Variants in CACNA1B observed in about 807,000 individuals in gnomAD.
CACNA1B encodes the protein voltage-dependent N-type calcium channel subunit alpha-1B.
Under a neutral mutation model 247.2 loss-of-function variants are expected in CACNA1B, and 70 were observed. That is an observed-to-expected ratio of 0.28 (90% CI 0.23 to 0.35). The LOEUF is 0.35. CACNA1B is among the 10% of genes least tolerant of loss of function. CACNA1B has a pLI of 1.00. For missense variants in CACNA1B, 2,367 were observed against 3,197.4 expected (o/e 0.74, Z 6.26); for synonymous variants, 1,231 against 1,294.4 (o/e 0.95, Z 1.05).
At chr9:137,908,700 G>A (rs1957324583) in intron 3 of CACNA1B, among the ~76,000 whole-genome samples, 1 of 151,760 alleles carries the variant, frequency 6.6e-6, no homozygotes. Flanking sequence ...GTGCGATCTT[G>A]GCTCACTGCA....
intron 40 of CACNA1B, among the ~76,000 whole-genome samples, 160 bp downstream of exon 40, chr9:138,112,665 G>T (rs1961682608): frequency 6.6e-6 from 1 of 152,210 alleles, no homozygotes; most frequent in Non-Finnish European, 1.5e-5. Flanking sequence ...AACCAAGAGA[G>T]CCCTGGGTGG....
At chr9:138,106,526 T>C (rs1465980308) in intron 39 of CACNA1B, among the ~76,000 whole-genome samples, 3 of 152,194 alleles carry the variant, frequency 2.0e-5, no homozygotes, top group South Asian at 2.1e-4. Context: ...TCCCAGCACT[T>C]TGGGAGGCCG....
chr9:138,110,972 A>G (rs1186529391), intron 39 of CACNA1B, among the ~76,000 whole-genome samples: 2 of 145,486 alleles, frequency 1.4e-5, no homozygotes, highest in African/African-American at 4.9e-5. Context: ...AGACAAATCC[A>G]GAATTTAAAA....
chr9:137,914,812 G>A lies in CACNA1B; in HGVS notation c.775+6G>A. The stretch of plus-strand genomic sequence containing the variant: ...CTGTTTCCCCAACAGCACAGGTGAG[G>A]CCAGGCAGCACCCTCCAGCACAGGC... On this transcript the variant is annotated splice_donor_region_variant and intron_variant, in intron 5 of 46. Coordinates refer to ENST00000371372, the MANE Select transcript of CACNA1B (RefSeq NM_000718.4). This position sits in a 1 kb window ranked among gnomAD's most constrained non-coding sequence, Gnocchi z 4.3. 3 of 1,613,808 alleles carry A rather than the reference G, an allele frequency of 1.9e-6. No individual in the cohort carries two copies. The highest frequency in any genetic ancestry group is 2.5e-6 in the Non-Finnish European group (3 of 1,179,790).
chr9:137,960,506 G>A (rs1031748667), intron 10 of CACNA1B, among the ~76,000 whole-genome samples: 2 of 150,182 alleles, frequency 1.3e-5, no homozygotes, highest in Non-Finnish European at 3.0e-5. Flanking sequence ...CGCCAGGGAG[G>A]GGAGGTCAGC....
At position 138,058,960 on chromosome 9, in the gene CACNA1B, G is replaced by T; in HGVS notation, c.4474-119G>T. On this transcript the variant is annotated intron_variant, in intron 29 of 46. Coordinates refer to ENST00000371372, the MANE Select transcript of CACNA1B (RefSeq NM_000718.4). This position sits in a 1 kb window ranked among gnomAD's most constrained non-coding sequence, Gnocchi z 4.7. The stretch of plus-strand genomic sequence containing the variant: ...GGACTCGGGGAGAGCAGGAAGGGGT[G>T]TCCCAGGCCTAGGCAGGCATCGAGT... 1 of 724,682 alleles carries T rather than the reference G, an allele frequency of 1.4e-6. No homozygotes were observed. Among genetic ancestry groups the T allele is most frequent in the Non-Finnish European group, 2.4e-6 (1 of 410,348 alleles). The allele number at this position is 724,682 out of a possible 1,614,324, so 44.9% of individuals were successfully genotyped here.
chr9:138,023,418 A>C lies in CACNA1B; in HGVS notation c.2675A>C (p.His892Pro), dbSNP rs897944896. 1 of 1,296,558 alleles carries C rather than the reference A, an allele frequency of 7.7e-7. No individual in the cohort carries two copies. Among genetic ancestry groups the C allele is most frequent in the African/African-American group, 1.6e-5 (1 of 63,436 alleles). The allele number at this position is 1,296,558 out of a possible 1,614,324, so 80.3% of individuals were successfully genotyped here. The change falls in exon 19 of 47, where the codon CAC (histidine) becomes CCC (proline). Residue 892 changes from histidine to proline, a missense_variant. This residue lies in a region of CACNA1B where 631 missense variants were observed against 631.1 expected (regional missense o/e 1.00). Coordinates refer to ENST00000371372, the MANE Select transcript of CACNA1B (RefSeq NM_000718.4). ...REERPRPHRSHSKEAAGPPEA... is the reference protein window; with the variant it reads ...REERPRPHRSPSKEAAGPPEA... ...GAGCGGCCGCGGCCGCACCGCAGCC[A>C]CAGCAAGGAGGCCGCGGGGCCCCCG... is the stretch of plus-strand genomic sequence containing the variant.
intron 31 of CACNA1B, among the ~76,000 whole-genome samples, chr9:138,067,075 C>T (rs942080955): frequency 3.9e-5 from 6 of 152,056 alleles, no homozygotes; most frequent in Admixed American, 2.6e-4. Flanking sequence ...ACGTGAATAA[C>T]GTGAAGGAGA....
rs1958902389 is a variant in CACNA1B at position 138,024,972 on chromosome 9, T to C, written c.3086T>C (p.Leu1029Pro). The C allele has an allele frequency of 6.3e-7, 1 of 1,581,470 alleles. No individual in the cohort carries two copies. Among genetic ancestry groups the C allele is most frequent in the South Asian group, 1.2e-5 (1 of 86,338 alleles). Residue 1029 changes from leucine (L) to proline (P), a missense_variant, in exon 20 of 47, where the codon CTG (leucine) becomes CCG (proline). Coordinates refer to ENST00000371372, the MANE Select transcript of CACNA1B (RefSeq NM_000718.4). ...GATTGCAGGGAGCCACACTGTGACC[T>C]GGAGACCAGTGGGACTGTGACTGTG... Reference protein sequence around the residue: ...NHQPREPHCDLETSGTVTVGP... With the variant: ...NHQPREPHCDPETSGTVTVGP...
intron 6 of CACNA1B, among the ~76,000 whole-genome samples, chr9:137,942,183 C>T (rs1359770359): frequency 6.6e-6 from 1 of 152,090 alleles, no homozygotes; most frequent in East Asian, 1.9e-4. Flanking sequence ...ATAGACGATT[C>T]TCAAAAGAAG....
At chr9:138,110,134 T>C (rs1961573807) in intron 39 of CACNA1B, among the ~76,000 whole-genome samples, 2 of 151,712 alleles carry the variant, frequency 1.3e-5, no homozygotes, top group Non-Finnish European at 2.9e-5. Context: ...TATATATATT[T>C]GAGACAGTCT....
At chr9:137,910,196 A>T (rs1957344867) in intron 3 of CACNA1B, among the ~76,000 whole-genome samples, 1 of 152,220 alleles carries the variant, frequency 6.6e-6, no homozygotes, top group African/African-American at 2.4e-5. Context: ...TCTTCTTTGG[A>T]AGAATGTTCA....
At chr9:137,968,127 T>C (rs1958102929) in intron 10 of CACNA1B, among the ~76,000 whole-genome samples, 1 of 152,250 alleles carries the variant, frequency 6.6e-6, no homozygotes, top group Non-Finnish European at 1.5e-5. Context: ...TGACTTTTCC[T>C]TCTGGGTACC....
intron 36 of CACNA1B, among the ~76,000 whole-genome samples, chr9:138,091,035 G>C (rs924885560): frequency 6.6e-6 from 1 of 152,032 alleles, no homozygotes; most frequent in Non-Finnish European, 1.5e-5. Context: ...TCCACTACTG[G>C]GTATATATCC....
In CACNA1B at chr9:137,882,656, T is replaced by C; in HGVS notation, c.391-88T>C. ...CCTCACGATAGCTGTGGCCTGCACATGGTGGGGTGGGGTCCTCACCAACCG... is the reference window on the plus strand; with the variant it reads ...CCTCACGATAGCTGTGGCCTGCACACGGTGGGGTGGGGTCCTCACCAACCG... On this transcript the variant is annotated intron_variant, in intron 2 of 46. Transcript: ENST00000371372. The surrounding 1 kb of genome is among the most constrained non-coding windows in gnomAD (Gnocchi z 4.0). The C allele has an allele frequency of 6.7e-7, 1 of 1,485,712 alleles. No homozygotes were observed. The highest frequency in any genetic ancestry group is 9.3e-7 in the Non-Finnish European group (1 of 1,073,118). 92.0% of individuals were successfully genotyped at this position (1,485,712 alleles called of 1,614,324 possible).
Position 138,084,971 on chromosome 9 carries a change from C to T in CACNA1B, c.5094+6713C>T, listed in dbSNP as rs929469355. Among the ~76,000 whole-genome samples, 2 of 146,938 alleles carry T rather than the reference C, an allele frequency of 1.4e-5. 1 individual carries two copies. The highest frequency in any genetic ancestry group is 5.1e-5 in the African/African-American group (2 of 39,468). ...CATCTCAAAGAAAAAAAAAAAAAAG[C>T]AAGGAAATCTGACATCACCCAAGGA... On this transcript the variant is annotated intron_variant, in intron 36 of 46. Coordinates refer to ENST00000371372, the MANE Select transcript of CACNA1B (RefSeq NM_000718.4).
intron 6 of CACNA1B, among the ~76,000 whole-genome samples, chr9:137,938,685 C>T (rs1957697138): frequency 6.6e-6 from 1 of 152,042 alleles, no homozygotes; most frequent in Admixed American, 6.6e-5. Flanking sequence ...TGATAAAAGG[C>T]CTTGTACAAC....
At chr9:138,088,134 C>T (rs7859536) in intron 36 of CACNA1B, among the ~76,000 whole-genome samples, 1,559 of 152,126 alleles carry the variant, frequency 0.01, 15 homozygotes, top group Non-Finnish European at 0.018. Context: ...TTTGGGAGGC[C>T]GTGGCAAGTG....
chr9:138,020,551 G>A lies in CACNA1B; in HGVS notation c.2268-2460G>A, dbSNP rs1345070136. Among the ~76,000 whole-genome samples, 2 of 152,248 alleles carry A rather than the reference G, an allele frequency of 1.3e-5. No homozygotes were observed. The highest frequency in any genetic ancestry group is 2.9e-5 in the Non-Finnish European group (2 of 68,050). ...GAGACCTAGGGGATACCTCCAGAGA[G>A]GAACTTGGTGGTGCTGGCCGAGTGA... On this transcript the variant is annotated intron_variant, in intron 18 of 46. Coordinates refer to ENST00000371372, the MANE Select transcript of CACNA1B (RefSeq NM_000718.4). This position sits in a 1 kb window ranked among gnomAD's most constrained non-coding sequence, Gnocchi z 4.1.
Sources: gnomAD v4.1 joint callset for allele counts (sites outside exome capture counted in the v4.1 genomes callset) on GRCh38, gnomAD v4.1.1 for gene constraint, gnomAD v4.1.1 regional missense constraint, Gnocchi (gnomAD v3.1) non-coding constraint, MANE v1.5 for transcripts, NCBI Gene and HGNC (gene_info 2026-07-23, HGNC 2026-07-21) for gene names.